NFX1: variants seen among roughly 807,000 people sequenced by gnomAD.
NFX1 encodes transcriptional repressor NF-X1.
NFX1 carries 69 observed loss-of-function variants against 137.2 expected under a neutral mutation model. The observed-to-expected ratio is 0.50, with a 90% CI of 0.41 to 0.61. The LOEUF is 0.61. NFX1 is among the 20% of genes least tolerant of loss of function. The pLI, the probability that NFX1 is intolerant of heterozygous loss-of-function variation, is 0.00. For missense variants in NFX1, 1,167 were observed against 1,391.0 expected (o/e 0.84, Z 2.56); for synonymous variants, 495 against 474.1 (o/e 1.04, Z -0.57).
intron 9 of NFX1, among the ~76,000 whole-genome samples, chr9:33,319,559 G>A (rs766956595): frequency 1.3e-5 from 2 of 152,256 alleles, no homozygotes; most frequent in South Asian, 2.1e-4. Context: ...GCCCCAGCTC[G>A]AGTGCAGTGG....
intron 19 of NFX1, among the ~76,000 whole-genome samples, chr9:33,356,629 C>G (rs925571327): frequency 3.3e-5 from 5 of 151,880 alleles, no homozygotes; most frequent in African/African-American, 1.2e-4. Context: ...GTTATTTTAC[C>G]TTTCACATTT....
rs747060175 is a variant in NFX1 at position 33,370,029 on chromosome 9, T to C, written c.*51T>C. 2.1e-6 allele frequency: 3 copies of C among 1,422,170 alleles called. No homozygotes were observed. The East Asian group carries it at 6.9e-5, about 33-fold the overall frequency. 88.1% of individuals were successfully genotyped at this position (1,422,170 alleles called of 1,614,324 possible). On this transcript the variant is annotated 3_prime_UTR_variant, in exon 24 of 24. Transcript: ENST00000379540. ...AGAATGATTAGGTATAGTGGAGACT[T>C]ATTTGCCAGCAGATAAATCATGCCC... is the stretch of plus-strand genomic sequence containing the variant.
At chr9:33,328,713 A>G (rs375220771) in intron 10 of NFX1, 35 bp downstream of exon 10, 2 of 1,517,378 alleles carry the variant, frequency 1.3e-6, no homozygotes, top group Non-Finnish European at 1.8e-6. Flanking sequence ...TGTTGCCATC[A>G]ATGTTTTCTT....
intron 11 of NFX1, among the ~76,000 whole-genome samples, chr9:33,335,172 A>C (rs1822951621): frequency 6.6e-6 from 1 of 152,058 alleles, no homozygotes; most frequent in African/African-American, 2.4e-5. Flanking sequence ...ATCTAGTTCC[A>C]AAATATTTTC....
chr9:33,366,838 G>C (rs1824185500), intron 22 of NFX1, 64 bp downstream of exon 22: 2 of 1,560,126 alleles, frequency 1.3e-6, no homozygotes, highest in African/African-American at 2.7e-5. Context: ...CAAGAAGCAG[G>C]GTCTGTCAAT....
At chr9:33,322,528 G>A (rs1020120387) in intron 9 of NFX1, among the ~76,000 whole-genome samples, 2 of 152,146 alleles carry the variant, frequency 1.3e-5, no homozygotes, top group Admixed American at 1.3e-4. Flanking sequence ...CAGCTGAGCA[G>A]TTAGGGCTCC....
Position 33,352,729 on chromosome 9 carries a change from A to G in NFX1, c.2729+10A>G. 6.2e-7 allele frequency: 1 copy of G among 1,610,546 alleles called. No homozygotes were observed. Among genetic ancestry groups the G allele is most frequent in the Non-Finnish European group, 8.5e-7 (1 of 1,176,768 alleles). Reference sequence around the variant, plus strand: ...CTAGTACTTATCAAAGGTTAGTGTTACTTAAATGTTAACAACTGATGGCCT... The same window carrying G: ...CTAGTACTTATCAAAGGTTAGTGTTGCTTAAATGTTAACAACTGATGGCCT... On this transcript the variant is annotated intron_variant, in intron 17 of 23. Transcript: ENST00000379540.
rs570108431 is a variant in NFX1 at position 33,370,063 on chromosome 9, C to A, written c.*85C>A. ...GCAGATAAATCATGCCCGTTCCCCTCTGCCTGGCAGAATCACAGTCTCACA... is the reference window on the plus strand; with the variant it reads ...GCAGATAAATCATGCCCGTTCCCCTATGCCTGGCAGAATCACAGTCTCACA... On this transcript the variant is annotated 3_prime_UTR_variant, in exon 24 of 24. Coordinates refer to ENST00000379540, the MANE Select transcript of NFX1 (RefSeq NM_002504.6). The A allele has an allele frequency of 8.8e-6, 9 of 1,019,386 alleles. No individual in the cohort carries two copies. The Admixed American group carries it at 1.6e-4, about 18-fold the overall frequency. 63.1% of individuals were successfully genotyped at this position (1,019,386 alleles called of 1,614,324 possible).
intron 15 of NFX1, among the ~76,000 whole-genome samples, chr9:33,349,146 A>T (rs191196820): frequency 2.4e-4 from 37 of 152,342 alleles, no homozygotes; most frequent in African/African-American, 8.4e-4. Context: ...CATTCAACAG[A>T]TATCGAGTAT....
chr9:33,347,216 T>C (rs776953622), intron 15 of NFX1, 99 bp downstream of exon 15: 35 of 902,812 alleles, frequency 3.9e-5, no homozygotes, highest in Non-Finnish European at 5.5e-5. Context: ...GTAAATACAC[T>C]CAGAAGTAGA....
At chr9:33,369,439 T>C (rs2118717122) in intron 23 of NFX1, among the ~76,000 whole-genome samples, 1 of 152,252 alleles carries the variant, frequency 6.6e-6, no homozygotes, top group Admixed American at 6.5e-5. Flanking sequence ...TGTTTTAGAG[T>C]AGAGAGAATA....
intron 4 of NFX1, among the ~76,000 whole-genome samples, chr9:33,306,733 C>G (rs188793854): frequency 6.6e-6 from 1 of 152,214 alleles, no homozygotes; most frequent in African/African-American, 2.4e-5. Context: ...CTTTATAGTT[C>G]TGGAATAGGT....
Position 33,303,284 on chromosome 9 carries a change from T to G in NFX1, c.1270+16T>G, listed in dbSNP as rs368179981. The stretch of plus-strand genomic sequence containing the variant: ...TGTTTCTGTGGTAAGTTTGTTTATA[T>G]ACACTGGAGTCTCTTTTACTACATA... On this transcript the variant is annotated intron_variant, in intron 4 of 23. Transcript: ENST00000379540. 2 of 1,605,780 alleles carry G rather than the reference T, an allele frequency of 1.2e-6. No homozygotes were observed. Among genetic ancestry groups the G allele is most frequent in the African/African-American group, 1.3e-5 (1 of 74,898 alleles).
chr9:33,342,727 TATAA>T lies in NFX1; in HGVS notation c.2116-16_2116-13del. 1 of 1,548,636 alleles carries T rather than the reference TATAA, an allele frequency of 6.5e-7. No homozygotes were observed. The highest frequency in any genetic ancestry group is 8.8e-7 in the Non-Finnish European group (1 of 1,137,298). ...AAATGAAGACCATTTTATGAACAAA[TATAA>T]ATCTCTTTTCCCAGGATAAGGAGCA... On this transcript the variant is annotated splice_polypyrimidine_tract_variant and intron_variant, in intron 12 of 23. Transcript: ENST00000379540.
chr9:33,293,009 G>A (rs1053378404), intron 1 of NFX1, among the ~76,000 whole-genome samples: 3 of 152,172 alleles, frequency 2.0e-5, no homozygotes, highest in Non-Finnish European at 4.4e-5. Flanking sequence ...TTCTGCCTAT[G>A]TGAAAGCTTT....
chr9:33,324,936 A>AG (rs1413009883), intron 9 of NFX1, among the ~76,000 whole-genome samples: 1 of 151,920 alleles, frequency 6.6e-6, no homozygotes, highest in African/African-American at 2.4e-5. Flanking sequence ...CTCAAAAAAA[A>AG]AAAAAAAGAA....
intron 1 of NFX1, among the ~76,000 whole-genome samples, chr9:33,293,764 G>T (rs963631049): frequency 2.6e-5 from 4 of 152,098 alleles, no homozygotes; most frequent in African/African-American, 9.7e-5. Context: ...TTCCACTTTG[G>T]GATTGTAGAC....
chr9:33,305,990 CA>C (rs1218317797), intron 4 of NFX1, among the ~76,000 whole-genome samples: 3 of 151,972 alleles, frequency 2.0e-5, no homozygotes, highest in African/African-American at 7.2e-5. Context: ...GAAAGAAAAG[CA>C]AAAAACCCCA....
Position 33,290,599 on chromosome 9 carries a change from T to A in NFX1, c.25+2T>A. 1 of 1,613,548 alleles carries A rather than the reference T, an allele frequency of 6.2e-7. No individual in the cohort carries two copies. Among genetic ancestry groups the A allele is most frequent in the Non-Finnish European group, 8.5e-7 (1 of 1,179,896 alleles). Reference sequence around the variant, plus strand: ...TGGCGGAGGCGCCTCCTGTCTCAGGTATTGTCCCGGCCCGAGCGGGACTGG... The same window carrying A: ...TGGCGGAGGCGCCTCCTGTCTCAGGAATTGTCCCGGCCCGAGCGGGACTGG... On this transcript the variant is annotated splice_donor_variant, in intron 1 of 23. Coordinates refer to ENST00000379540, the MANE Select transcript of NFX1 (RefSeq NM_002504.6). LOFTEE classifies it high-confidence loss of function.
Sources: gnomAD v4.1 joint callset for allele counts (sites outside exome capture counted in the v4.1 genomes callset) on GRCh38, gnomAD v4.1.1 for gene constraint, MANE v1.5 for transcripts, NCBI Gene and HGNC (gene_info 2026-07-23, HGNC 2026-07-21) for gene names.